The following PKIB variants were observed in gnomAD, a reference collection of about 807,000 sequenced individuals.
The protein encoded by PKIB is PKI-beta.
In PKIB, 2 loss-of-function variants were observed where a neutral mutation model predicts 4.5. That is an observed-to-expected ratio of 0.44 (90% CI 0.18 to 1.39). PKIB has a LOEUF of 1.39. Ranked by LOEUF, PKIB falls within the 40% of genes most tolerant of loss-of-function variation. The pLI, the probability that PKIB is intolerant of heterozygous loss-of-function variation, is 0.27. For missense variants in PKIB, 94 were observed against 92.6 expected, an observed-to-expected ratio of 1.02 and a Z score of -0.06; for synonymous variants, 38 against 36.0, an observed-to-expected ratio of 1.06 and a Z score of -0.20.
intron 3 of PKIB, among the ~76,000 whole-genome samples, chr6:122,699,612 A>G (rs1054241000): frequency 6.6e-6 from 1 of 152,192 alleles, no homozygotes; most frequent in African/African-American, 2.4e-5. Context: ...TATAGCTGTC[A>G]TGTAACAAAT....
chr6:122,541,484 G>T (rs901811507), intron 2 of PKIB, among the ~76,000 whole-genome samples: 317 of 151,918 alleles, frequency 2.1e-3, no homozygotes, highest in African/African-American at 3.1e-3. Context: ...TGAAAATTCT[G>T]TTCTTTAAGA....
chr6:122,525,776 G>A (rs1554217712), intron 2 of PKIB, among the ~76,000 whole-genome samples: 1 of 152,158 alleles, frequency 6.6e-6, no homozygotes, highest in Non-Finnish European at 1.5e-5. Context: ...ACTGATCAGG[G>A]TGGTGGTTGC....
chr6:122,622,002 C>G (rs1305104740), intron 1 of PKIB, among the ~76,000 whole-genome samples: 2 of 151,906 alleles, frequency 1.3e-5, no homozygotes, highest in Non-Finnish European at 2.9e-5. Context: ...AGAAGCATGA[C>G]TAATTTAGAT....
intron 1 of PKIB, among the ~76,000 whole-genome samples, chr6:122,628,574 G>A (rs1219837837): frequency 6.6e-6 from 1 of 152,172 alleles, no homozygotes; most frequent in Non-Finnish European, 1.5e-5. Context: ...TAATGACATA[G>A]TGGATACAAA....
chr6:122,627,975 T>C (rs1775526261), intron 1 of PKIB, among the ~76,000 whole-genome samples: 2 of 152,136 alleles, frequency 1.3e-5, no homozygotes, highest in African/African-American at 4.8e-5. Flanking sequence ...TTGTTATGTA[T>C]GGGATTAACA....
rs773860299 is a variant in PKIB, at chr6:122,703,939, T to TAGAGAG, written c.-8-13847_-8-13846insGAGAGA. Among the ~76,000 whole-genome samples the TAGAGAG allele has an allele frequency of 1.8e-4, 19 of 103,228 alleles. No homozygotes were observed. The South Asian group carries it at 2.6e-3, about 14-fold the overall frequency. 67.7% of individuals were successfully genotyped at this position (103,228 alleles called of 152,430 possible). A position where few individuals can be genotyped will look rare whatever the true frequency, so the allele number is the denominator to read the frequency against. Reference sequence around the variant, plus strand: ...ATATGTGTGTATATATATATATATATATAGAGAGAGAGAGAGAGAGAGAGA... The same window carrying TAGAGAG: ...ATATGTGTGTATATATATATATATATAGAGAGATAGAGAGAGAGAGAGAGAGAGAGA... On this transcript the variant is annotated intron_variant, in intron 3 of 4. Coordinates refer to ENST00000368452, the MANE Select transcript of PKIB (RefSeq NM_181795.3).
intron 2 of PKIB, among the ~76,000 whole-genome samples, chr6:122,637,352 A>ACTAAG (rs1775958307): frequency 1.3e-5 from 2 of 152,190 alleles, no homozygotes; most frequent in Non-Finnish European, 2.9e-5. Flanking sequence ...TTGATGGCTT[A>ACTAAG]GTAAAGCAGA....
At chr6:122,702,691 A>G (rs9388121) in intron 3 of PKIB, among the ~76,000 whole-genome samples, 5 of 152,148 alleles carry the variant, frequency 3.3e-5, no homozygotes, top group East Asian at 1.9e-4. Context: ...ATAAGTCTCC[A>G]TGAGAAAGAT....
At chr6:122,619,705 C>T (rs573822324) in intron 1 of PKIB, among the ~76,000 whole-genome samples, 47 of 152,236 alleles carry the variant, frequency 3.1e-4, no homozygotes, top group African/African-American at 1.1e-3. Flanking sequence ...AGTTTTGGAA[C>T]ATATAATTTT....
chr6:122,702,386 G>A (rs1778859538), intron 3 of PKIB, among the ~76,000 whole-genome samples: 1 of 141,240 alleles, frequency 7.1e-6, no homozygotes, highest in Admixed American at 7.6e-5. Flanking sequence ...CTGGAGTGCA[G>A]TGGCGTGACC....
chr6:122,605,417 C>CT (rs1240202112), upstream of PKIB, among the ~76,000 whole-genome samples: 2 of 152,188 alleles, frequency 1.3e-5, no homozygotes, highest in East Asian at 3.8e-4. Flanking sequence ...CTCAGAGTGT[C>CT]TGTCAGCTGG....
intron 2 of PKIB, among the ~76,000 whole-genome samples, chr6:122,650,003 T>C (rs1776485726): frequency 1.3e-5 from 2 of 152,280 alleles, no homozygotes; most frequent in East Asian, 1.9e-4. Context: ...CTTATTTGGG[T>C]ACCCACCTAA....
chr6:122,639,593 A>G (rs1021648048), intron 2 of PKIB, among the ~76,000 whole-genome samples: 1 of 152,188 alleles, frequency 6.6e-6, no homozygotes, highest in Admixed American at 6.5e-5. Flanking sequence ...GAGTGTGAGG[A>G]GACCCAAAAG....
chr6:122,549,886 A>G (rs1370445778), intron 2 of PKIB, among the ~76,000 whole-genome samples: 1 of 145,240 alleles, frequency 6.9e-6, no homozygotes, highest in African/African-American at 2.5e-5. Flanking sequence ...ATATAATTTT[A>G]TATATACACA....
chr6:122,514,536 C>T (rs1776686416), intron 2 of PKIB, among the ~76,000 whole-genome samples: 1 of 152,154 alleles, frequency 6.6e-6, no homozygotes, highest in Non-Finnish European at 1.5e-5. Flanking sequence ...GAATCAGATT[C>T]ACAAAGTGGC....
chr6:122,615,852 C>T (rs1258925762), intron 1 of PKIB, among the ~76,000 whole-genome samples: 1 of 152,112 alleles, frequency 6.6e-6, no homozygotes. Flanking sequence ...ACAGATTTCC[C>T]CTCTGATTCC....
chr6:122,568,579 G>T (rs138276880), intron 2 of PKIB, among the ~76,000 whole-genome samples: 288 of 152,346 alleles, frequency 1.9e-3, no homozygotes, highest in African/African-American at 6.5e-3. Context: ...CCAGTCTTCA[G>T]TGTGAACCCA....
intron 3 of PKIB, among the ~76,000 whole-genome samples, chr6:122,601,559 C>T (rs1774369186): frequency 6.6e-6 from 1 of 152,116 alleles, no homozygotes. Flanking sequence ...TGTAGAGTTT[C>T]TTCCACCTCT....
chr6:122,478,903 T>G (rs907212725), intron 2 of PKIB: 7 of 152,228 alleles, frequency 4.6e-5, no homozygotes, highest in African/African-American at 1.7e-4. Flanking sequence ...AATCTCCTGG[T>G]CAGTGGGTTG....
Sources: gnomAD v4.1 joint callset for allele counts (sites outside exome capture counted in the v4.1 genomes callset) on GRCh38, gnomAD v4.1.1 for gene constraint, MANE v1.5 for transcripts, NCBI Gene and HGNC (gene_info 2026-07-23, HGNC 2026-07-21) for gene names.